The following AGAP1 variants were observed in gnomAD, a reference collection of about 807,000 sequenced individuals.
The protein encoded by AGAP1 is arf-GAP with GTPase, ANK repeat and PH domain-containing protein 1.
AGAP1 carries 29 observed loss-of-function variants against 105.3 expected under a neutral mutation model. The ratio of observed to expected loss-of-function variants is 0.28; its 90% confidence interval spans 0.21 to 0.38. The LOEUF (loss-of-function observed/expected upper bound fraction) is 0.38, where lower values mean the gene tolerates loss of function less well. AGAP1 is among the 10% of genes least tolerant of loss of function. The pLI is 1.00. For synonymous variants in AGAP1, 509 were observed against 485.9 expected (o/e 1.05, Z -0.63); for missense variants, 998 against 1,165.1 (o/e 0.86, Z 2.09).
At chr2:235,678,958 G>A (rs562023818) in intron 1 of AGAP1, among the ~76,000 whole-genome samples, 1 of 152,234 alleles carries the variant, frequency 6.6e-6, no homozygotes, top group Non-Finnish European at 1.5e-5. Context: ...GATGGTGAGT[G>A]GTGGCTGGGC....
At position 235,819,904 on chromosome 2, in the gene AGAP1, C is replaced by CTTT. The variant is rs1179307250; in HGVS notation, c.1050+12587_1050+12589dup. ...TGGCTTTTTTTTTTCTTCTTTCTTT[C>CTTT]TTTTTTTTTTTTTTTTGAGACGGAG... is the stretch of plus-strand genomic sequence containing the variant. On this transcript the variant is annotated intron_variant, in intron 9 of 17. Coordinates refer to ENST00000304032, the MANE Select transcript of AGAP1 (RefSeq NM_001037131.3). Among the ~76,000 whole-genome samples the CTTT allele has an allele frequency of 9.2e-5, 12 of 130,272 alleles. 1 individual carries two copies. The highest frequency in any genetic ancestry group is 5.7e-4 in the Admixed American group (7 of 12,352). 85.5% of individuals were successfully genotyped at this position (130,272 alleles called of 152,430 possible).
At chr2:236,112,277 G>A (rs11680013) in intron 16 of AGAP1, among the ~76,000 whole-genome samples, 13,001 of 152,118 alleles carry the variant, frequency 0.085, 760 homozygotes, top group Middle Eastern at 0.17. Flanking sequence ...TTAGCCGGAC[G>A]TGGTGGCACG....
Position 235,623,867 on chromosome 2 carries a change from A to C in AGAP1, c.164-85312A>C, listed in dbSNP as rs959770081. Reference sequence around the variant, plus strand: ...TCAGAATTAATAAGGTGTAGTGCCCAAGAGGAATATTTTGTTTCCATTTTC... The same window carrying C: ...TCAGAATTAATAAGGTGTAGTGCCCCAGAGGAATATTTTGTTTCCATTTTC... On this transcript the variant is annotated intron_variant, in intron 1 of 17. Transcript: ENST00000304032. This position sits in a 1 kb window ranked among gnomAD's most constrained non-coding sequence, Gnocchi z 4.5. 7.9e-5 allele frequency among the ~76,000 whole-genome samples: 12 copies of C among 152,202 alleles called. No individual in the cohort carries two copies. Among genetic ancestry groups the C allele is most frequent in the African/African-American group, 2.9e-4 (12 of 41,452 alleles).
chr2:236,080,462 T>C lies in AGAP1; in HGVS notation c.2114+31181T>C, dbSNP rs181255010. 6.6e-6 allele frequency among the ~76,000 whole-genome samples: 1 copy of C among 152,278 alleles called. No homozygotes were observed. The highest frequency in any genetic ancestry group is 1.9e-4 in the East Asian group (1 of 5,182). On this transcript the variant is annotated intron_variant, in intron 16 of 17. Coordinates refer to ENST00000304032, the MANE Select transcript of AGAP1 (RefSeq NM_001037131.3). The surrounding 1 kb of genome is among the most constrained non-coding windows in gnomAD (Gnocchi z 4.2). Reference sequence around the variant, plus strand: ...ATTCCCAGGCCAAGGGAAGAGTTGTTACGGAGACTCTATGGCCAAGAGGGA... The same window carrying C: ...ATTCCCAGGCCAAGGGAAGAGTTGTCACGGAGACTCTATGGCCAAGAGGGA...
chr2:235,797,112 G>A (rs1957277304), intron 6 of AGAP1, among the ~76,000 whole-genome samples: 1 of 152,074 alleles, frequency 6.6e-6, no homozygotes, highest in African/African-American at 2.4e-5. Flanking sequence ...AGAGTGAAGA[G>A]GATTTCTTTA....
chr2:236,029,005 A>G (rs780127816), intron 13 of AGAP1, among the ~76,000 whole-genome samples: 1 of 151,936 alleles, frequency 6.6e-6, no homozygotes, highest in Non-Finnish European at 1.5e-5. Flanking sequence ...TACCACATGG[A>G]CTTAATTTAC....
At chr2:235,686,657 ATATATATAT>A (rs1559351166) in intron 1 of AGAP1, among the ~76,000 whole-genome samples, 9 of 54,240 alleles carry the variant, frequency 1.7e-4, no homozygotes, top group African/African-American at 4.1e-4. Flanking sequence ...ATATATATAT[ATATATATAT>A]TTTTTTTTTT....
chr2:235,674,700 T>TC (rs1948630207), intron 1 of AGAP1, among the ~76,000 whole-genome samples: 1 of 151,684 alleles, frequency 6.6e-6, no homozygotes, highest in Non-Finnish European at 1.5e-5. Context: ...AGACTTTTTT[T>TC]TTTTTTTTTT....
At chr2:235,803,125 T>C (rs1957657502) in intron 8 of AGAP1, among the ~76,000 whole-genome samples, 1 of 149,012 alleles carries the variant, frequency 6.7e-6, no homozygotes, top group South Asian at 2.1e-4. Context: ...GTGATGATGA[T>C]GGTTGTGGTG....
In AGAP1 at chr2:236,049,151, C is replaced by A. The variant is rs781262037; in HGVS notation, c.1984C>A (p.Arg662=). Residue 662 remains arginine (R), a synonymous_variant, in exon 16 of 18, where the codon CGA becomes AGA. Transcript: ENST00000304032. ...RNLGTHLSRV[R]SLDLDDWPVE... is the part of the protein sequence containing the mutation. ...TCTTGGCACCCACCTTTCCCGAGTC[C>A]GATCTCTGGACCTGGATGACTGGCC... The A allele has an allele frequency of 1.5e-4, 244 of 1,614,216 alleles. 5 individuals are homozygous for A. The South Asian group carries it at 2.1e-3, about 14-fold the overall frequency.
intron 9 of AGAP1, among the ~76,000 whole-genome samples, chr2:235,859,142 A>G (rs1006549891): frequency 6.6e-6 from 1 of 152,058 alleles, no homozygotes; most frequent in Non-Finnish European, 1.5e-5. Context: ...GCTACTGGCA[A>G]CTTTCTTCAT....
In AGAP1 at chr2:236,090,899, C is replaced by T. The variant is rs1238096356; in HGVS notation, c.2115-29293C>T. 2.6e-5 allele frequency among the ~76,000 whole-genome samples: 4 copies of T among 152,146 alleles called. No individual in the cohort carries two copies. The highest frequency in any genetic ancestry group is 4.8e-5 in the African/African-American group (2 of 41,438). ...GGATTACAGGCATGCGCCACCATAC[C>T]CGGCTAATTTTGCATTTTTAGTAGG... On this transcript the variant is annotated intron_variant, in intron 16 of 17. Transcript: ENST00000304032. This position sits in a 1 kb window ranked among gnomAD's most constrained non-coding sequence, Gnocchi z 4.3.
rs190681118 is a variant in AGAP1 at position 235,728,261 on chromosome 2, C to T, written c.310+10617C>T. Reference sequence around the variant, plus strand: ...GCTCCCCGCTCCATTTCATGTGCTACTGGCTGGCTGTGAGATCTGAAAAGG... The same window carrying T: ...GCTCCCCGCTCCATTTCATGTGCTATTGGCTGGCTGTGAGATCTGAAAAGG... On this transcript the variant is annotated intron_variant, in intron 3 of 17. Coordinates refer to ENST00000304032, the MANE Select transcript of AGAP1 (RefSeq NM_001037131.3). This position sits in a 1 kb window ranked among gnomAD's most constrained non-coding sequence, Gnocchi z 4.3. Among the ~76,000 whole-genome samples the T allele has an allele frequency of 1.5e-3, 222 of 151,704 alleles. 1 individual carries two copies. Among genetic ancestry groups the T allele is most frequent in the African/African-American group, 4.7e-3 (195 of 41,124 alleles).
chr2:235,675,791 T>C (rs1210532009), intron 1 of AGAP1, among the ~76,000 whole-genome samples: 1 of 152,188 alleles, frequency 6.6e-6, no homozygotes, highest in Non-Finnish European at 1.5e-5. Context: ...TCCTGCTGTT[T>C]ATTTCCTTAG....
intron 13 of AGAP1, among the ~76,000 whole-genome samples, chr2:235,980,869 A>T (rs1188352497): frequency 1.3e-5 from 2 of 152,110 alleles, no homozygotes; most frequent in Non-Finnish European, 2.9e-5. Context: ...ATTTGAAAGG[A>T]TGGGATTGTT....
Position 235,553,437 on chromosome 2 carries a change from A to C in AGAP1, c.163+58588A>C, listed in dbSNP as rs1347332583. On this transcript the variant is annotated intron_variant, in intron 1 of 17. Transcript: ENST00000304032. The surrounding 1 kb of genome is among the most constrained non-coding windows in gnomAD (Gnocchi z 4.5). The stretch of plus-strand genomic sequence containing the variant: ...AATCCCACAGCTAGTTTTAAAAACT[A>C]CATGATTGTGTTGCTAGGATTAGTT... Among the ~76,000 whole-genome samples the C allele has an allele frequency of 6.6e-6, 1 of 152,206 alleles. No homozygotes were observed. Among genetic ancestry groups the C allele is most frequent in the Non-Finnish European group, 1.5e-5 (1 of 68,034 alleles).
At chr2:236,047,631 G>GC (rs2057762963) in intron 15 of AGAP1, among the ~76,000 whole-genome samples, 2 of 91,554 alleles carry the variant, frequency 2.2e-5, no homozygotes, top group Non-Finnish European at 4.0e-5. Context: ...GAGGAGTCTC[G>GC]TTCTGTCACC....
Position 235,716,597 on chromosome 2 carries a change from C to T in AGAP1, c.223-960C>T, listed in dbSNP as rs918564993. Among the ~76,000 whole-genome samples, 1 of 151,968 alleles carries T rather than the reference C, an allele frequency of 6.6e-6. No homozygotes were observed. The highest frequency in any genetic ancestry group is 6.6e-5 in the Admixed American group (1 of 15,250). ...TGATGTTTTGGGCTTTTTAAGGAAT[C>T]GATTAGATCATGCTTAAATTTGATC... On this transcript the variant is annotated intron_variant, in intron 2 of 17. Coordinates refer to ENST00000304032, the MANE Select transcript of AGAP1 (RefSeq NM_001037131.3). The surrounding 1 kb of genome is among the most constrained non-coding windows in gnomAD (Gnocchi z 4.0).
chr2:235,769,671 T>G lies in AGAP1; in HGVS notation c.673+19183T>G, dbSNP rs1553627070. 6.6e-6 allele frequency among the ~76,000 whole-genome samples: 1 copy of G among 151,918 alleles called. No homozygotes were observed. Among genetic ancestry groups the G allele is most frequent in the Non-Finnish European group, 1.5e-5 (1 of 67,972 alleles). ...CAATATACAATTAATTGCTGTAAAA[T>G]ATCGTGGTCAAAATCTCGGGGAGGC... On this transcript the variant is annotated intron_variant, in intron 6 of 17. Transcript: ENST00000304032. The surrounding 1 kb of genome is among the most constrained non-coding windows in gnomAD (Gnocchi z 4.4).
Sources: gnomAD v4.1 joint callset for allele counts (sites outside exome capture counted in the v4.1 genomes callset) on GRCh38, gnomAD v4.1.1 for gene constraint, Gnocchi (gnomAD v3.1) non-coding constraint, MANE v1.5 for transcripts, NCBI Gene and HGNC (gene_info 2026-07-23, HGNC 2026-07-21) for gene names.